Variants in CSMD3 observed in about 807,000 individuals in gnomAD.
CSMD3 encodes CUB and Sushi multiple domains 3.
A neutral mutation model predicts 435.2 loss-of-function variants in CSMD3; 177 were observed. The observed-to-expected ratio is 0.41, with a 90% CI of 0.36 to 0.46. The LOEUF is 0.46. Ranked by LOEUF, CSMD3 falls within the 20% of genes least tolerant of loss-of-function variation. The pLI is 0.34. For synonymous variants in CSMD3, 1,656 were observed against 1,520.5 expected, an observed-to-expected ratio of 1.09 and a Z score of -2.07; for missense variants, 4,265 against 4,504.6, an observed-to-expected ratio of 0.95 and a Z score of 1.52.
intron 32 of CSMD3, among the ~76,000 whole-genome samples, chr8:112,464,943 G>A (rs1284172569): frequency 6.6e-6 from 1 of 152,094 alleles, no homozygotes; most frequent in Non-Finnish European, 1.5e-5. Context: ...ATCCCACAGT[G>A]GTCATGGAAG....
At chr8:113,228,262 C>A (rs116241590) in intron 3 of CSMD3, among the ~76,000 whole-genome samples, 1 of 151,486 alleles carries the variant, frequency 6.6e-6, no homozygotes, top group Admixed American at 6.6e-5. Context: ...TCCACCTTCC[C>A]CTATCTCTGC....
chr8:112,443,834 T>G (rs1452935742), intron 32 of CSMD3, among the ~76,000 whole-genome samples: 1 of 152,078 alleles, frequency 6.6e-6, no homozygotes, highest in Non-Finnish European at 1.5e-5. Flanking sequence ...TAATTTAATT[T>G]ATTATTAATG....
intron 3 of CSMD3, among the ~76,000 whole-genome samples, chr8:113,189,906 T>C (rs528467524): frequency 2.0e-5 from 3 of 151,982 alleles, no homozygotes; most frequent in Non-Finnish European, 2.9e-5. Flanking sequence ...TTTATTGAAA[T>C]GTAAAGAATT....
At chr8:112,622,904 C>T (rs1834185248) in intron 22 of CSMD3, among the ~76,000 whole-genome samples, 1 of 152,034 alleles carries the variant, frequency 6.6e-6, no homozygotes, top group Admixed American at 6.6e-5. Flanking sequence ...CTCCATTTTA[C>T]AAATGGGAGT....
intron 35 of CSMD3, among the ~76,000 whole-genome samples, chr8:112,393,656 C>T (rs1201524938): frequency 1.3e-5 from 2 of 152,204 alleles, no homozygotes; most frequent in African/African-American, 4.8e-5. Flanking sequence ...TCCATCCTCT[C>T]TTTCATGCAT....
chr8:112,400,432 A>G (rs960958062), intron 35 of CSMD3, among the ~76,000 whole-genome samples: 1 of 152,222 alleles, frequency 6.6e-6, no homozygotes, highest in African/African-American at 2.4e-5. Flanking sequence ...TTTAAACCAT[A>G]GCAAGAATCA....
At chr8:113,314,937 A>T (rs1489978429) in intron 1 of CSMD3, 144 bp from the exon 2 acceptor site, 1 of 587,988 alleles carries the variant, frequency 1.7e-6, no homozygotes, top group South Asian at 2.3e-5. Context: ...GCTGGGCACT[A>T]TATACAAATA....
intron 23 of CSMD3, among the ~76,000 whole-genome samples, chr8:112,582,092 T>A (rs530083772): frequency 2.2e-4 from 33 of 152,210 alleles, no homozygotes; most frequent in Admixed American, 1.7e-3. Flanking sequence ...TGTGATGGCA[T>A]CATGGGGGCA....
intron 3 of CSMD3, among the ~76,000 whole-genome samples, chr8:113,229,695 T>C (rs1165277087): frequency 6.6e-6 from 1 of 151,544 alleles, no homozygotes; most frequent in Non-Finnish European, 1.5e-5. Flanking sequence ...TTTCCCTCTC[T>C]AAAACCTTGA....
At chr8:113,157,591 T>C (rs1393379048) in intron 4 of CSMD3, among the ~76,000 whole-genome samples, 1 of 152,160 alleles carries the variant, frequency 6.6e-6, no homozygotes, top group African/African-American at 2.4e-5. Context: ...TAGATTTTTC[T>C]TTCTTTAAAA....
chr8:113,153,497 C>G (rs984500985), intron 4 of CSMD3, among the ~76,000 whole-genome samples: 1 of 152,070 alleles, frequency 6.6e-6, no homozygotes, highest in South Asian at 2.1e-4. Context: ...ATTTGAAAAG[C>G]CTTCATCTGT....
At chr8:112,294,171 G>A (rs571246945) in intron 54 of CSMD3, among the ~76,000 whole-genome samples, 6 of 152,080 alleles carry the variant, frequency 3.9e-5, no homozygotes, top group African/African-American at 1.2e-4. Flanking sequence ...GAAACTAGAT[G>A]TTCTATTATC....
At chr8:112,494,571 C>CTTT (rs35517945) in intron 30 of CSMD3, among the ~76,000 whole-genome samples, 2 of 93,776 alleles carry the variant, frequency 2.1e-5, no homozygotes, top group South Asian at 3.5e-4. Flanking sequence ...TTCTTTCTTT[C>CTTT]TTTTCTTTCT....
intron 31 of CSMD3, among the ~76,000 whole-genome samples, chr8:112,486,955 C>G (rs1031472263): frequency 3.3e-5 from 5 of 152,068 alleles, no homozygotes; most frequent in African/African-American, 1.2e-4. Flanking sequence ...ATGATATAAT[C>G]TTTTCTTTGG....
At chr8:112,343,670 A>AT (rs548982736) in intron 41 of CSMD3, among the ~76,000 whole-genome samples, 119 of 151,958 alleles carry the variant, frequency 7.8e-4, no homozygotes, top group African/African-American at 2.8e-3. Flanking sequence ...TCATTTATTT[A>AT]TTTTTTAAAG....
intron 13 of CSMD3, among the ~76,000 whole-genome samples, chr8:112,696,776 G>A (rs2076266266): frequency 6.6e-6 from 1 of 151,662 alleles, no homozygotes; most frequent in Non-Finnish European, 1.5e-5. Context: ...ACTACCATCA[G>A]AGTGAACAGG....
At chr8:113,088,459 C>A (rs569344468) in intron 5 of CSMD3, among the ~76,000 whole-genome samples, 33 of 147,962 alleles carry the variant, frequency 2.2e-4, no homozygotes, top group African/African-American at 8.3e-4. Flanking sequence ...TGGAACCAAC[C>A]CAAATGTCCA....
At chr8:113,091,902 T>C (rs962717254) in intron 5 of CSMD3, among the ~76,000 whole-genome samples, 2 of 152,012 alleles carry the variant, frequency 1.3e-5, no homozygotes, top group Non-Finnish European at 2.9e-5. Flanking sequence ...TTTTTTGATG[T>C]AGGCACTTGT....
chr8:112,746,460 G>T (rs1225185831), intron 13 of CSMD3, among the ~76,000 whole-genome samples: 1 of 152,002 alleles, frequency 6.6e-6, no homozygotes. Context: ...ACTCATCCCT[G>T]GAGGACCATC....
Sources: allele counts gnomAD v4.1 joint callset (sites outside exome capture counted in the v4.1 genomes callset), GRCh38; gene constraint gnomAD v4.1.1; transcripts MANE v1.5; gene names NCBI Gene and HGNC (gene_info 2026-07-23, HGNC 2026-07-21).